The following OSBPL10 variants were observed in gnomAD, a reference collection of about 807,000 sequenced individuals.
OSBPL10 encodes the protein oxysterol-binding protein-related protein 10.
OSBPL10 carries 49 observed loss-of-function variants against 81.7 expected under a neutral mutation model. The ratio of observed to expected loss-of-function variants is 0.60; its 90% confidence interval spans 0.48 to 0.76. The LOEUF (loss-of-function observed/expected upper bound fraction) is 0.76. Ranked by LOEUF, OSBPL10 falls within the 30% of genes least tolerant of loss-of-function variation. The pLI, the probability that OSBPL10 is intolerant of heterozygous loss-of-function variation, is 0.00. For synonymous variants in OSBPL10, 419 were observed against 383.6 expected, an observed-to-expected ratio of 1.09 and a Z score of -1.08; for missense variants, 923 against 987.8, an observed-to-expected ratio of 0.93 and a Z score of 0.88.
intron 1 of OSBPL10, among the ~76,000 whole-genome samples, chr3:31,962,112 G>A (rs565737202): frequency 6.3e-4 from 95 of 151,876 alleles, no homozygotes; most frequent in African/African-American, 2.0e-3. Context: ...CCACCACCAC[G>A]CCCAGCTAAT....
rs371672454 is a variant in OSBPL10, at chr3:31,924,785, T to C, written c.282-44955A>G. On this transcript the variant is annotated intron_variant, in intron 1 of 11. Coordinates refer to ENST00000396556, the MANE Select transcript of OSBPL10 (RefSeq NM_017784.5). Reference sequence around the variant, plus strand: ...GTACCACTAAGGCAGCTATACACAATACATAGATGAATAACTGTGGCTGTG... The same window carrying C: ...GTACCACTAAGGCAGCTATACACAACACATAGATGAATAACTGTGGCTGTG... Among the ~76,000 whole-genome samples, 11 of 152,232 alleles carry C rather than the reference T, an allele frequency of 7.2e-5. No homozygotes were observed. The East Asian group carries it at 9.7e-4, about 13-fold the overall frequency.
intron 4 of OSBPL10, among the ~76,000 whole-genome samples, chr3:31,775,157 G>C (rs1204049606): frequency 6.6e-6 from 1 of 152,054 alleles, no homozygotes; most frequent in African/African-American, 2.4e-5. Context: ...GGGTGACAGA[G>C]TGAGACTCTC....
At chr3:31,783,784 C>A (rs1698765879) in intron 4 of OSBPL10, among the ~76,000 whole-genome samples, 1 of 34,732 alleles carries the variant, frequency 2.9e-5, no homozygotes, top group African/African-American at 9.5e-5. Context: ...GAGCAAGACT[C>A]CGATTAAAAA....
At position 31,989,326 on chromosome 3, in the gene OSBPL10, G is replaced by A. The variant is rs1698989646; in HGVS notation, n.298+57165C>T. On this transcript the variant is annotated intron_variant and non_coding_transcript_variant, in intron 2 of 3. Transcript: ENST00000479173. ...CTCATCAACAGCGCAAGGCAATACA[G>A]AAGTGGACACAGGGACATTAGAAAG... 2 of 1,614,228 alleles carry A rather than the reference G, an allele frequency of 1.2e-6. No individual in the cohort carries two copies. Among genetic ancestry groups the A allele is most frequent in the Middle Eastern group, 1.6e-4 (1 of 6,062 alleles).
intron 8 of OSBPL10, among the ~76,000 whole-genome samples, chr3:31,678,025 G>A (rs774363106): frequency 1.6e-4 from 23 of 145,992 alleles, no homozygotes; most frequent in Admixed American, 3.4e-4. Flanking sequence ...AGCTTGCAGT[G>A]AGCCGAGATT....
chr3:31,663,912 G>A, intron 11 of OSBPL10, 167 bp downstream of exon 11: 3 of 1,519,590 alleles, frequency 2.0e-6, no homozygotes, highest in Non-Finnish European at 2.6e-6. Context: ...CAGAAAACCT[G>A]TCCTGAAGCC....
intron 2 of OSBPL10, among the ~76,000 whole-genome samples, chr3:32,021,259 T>C (rs1699361149): frequency 6.6e-6 from 1 of 152,232 alleles, no homozygotes; most frequent in South Asian, 2.1e-4. Context: ...TAGTCTTTCT[T>C]ACAAATACAA....
intron 4 of OSBPL10, among the ~76,000 whole-genome samples, chr3:31,801,264 T>C (rs989120051): frequency 2.8e-4 from 42 of 152,170 alleles, no homozygotes; most frequent in Admixed American, 2.7e-3. Flanking sequence ...GACATACTAT[T>C]GTGGTCCCCA....
chr3:31,928,136 T>G (rs568774479), intron 1 of OSBPL10, among the ~76,000 whole-genome samples: 5 of 152,258 alleles, frequency 3.3e-5, no homozygotes, highest in African/African-American at 1.2e-4. Context: ...AAAGGACAAA[T>G]ACCTTTAAGA....
intron 5 of OSBPL10, among the ~76,000 whole-genome samples, chr3:31,742,601 G>A (rs951027804): frequency 9.9e-5 from 15 of 152,174 alleles, no homozygotes; most frequent in Non-Finnish European, 1.6e-4. Context: ...CTGTTTTACA[G>A]CATCTTGCTG....
intron 3 of OSBPL10, among the ~76,000 whole-genome samples, chr3:31,860,782 T>TC: frequency 6.6e-6 from 1 of 151,968 alleles, no homozygotes; most frequent in African/African-American, 2.4e-5. Context: ...TTCAAGCAAT[T>TC]CTCCTGCCTC....
At chr3:32,075,979 G>A (rs1203895719) in intron 1 of OSBPL10, among the ~76,000 whole-genome samples, 1 of 152,088 alleles carries the variant, frequency 6.6e-6, no homozygotes, top group African/African-American at 2.4e-5. Context: ...AAGTTTCTTT[G>A]TAATTCTCCC....
chr3:31,855,003 GGTTTTGTTTT>G lies in OSBPL10; in HGVS notation c.537+21420_537+21429del, dbSNP rs535156106. Among the ~76,000 whole-genome samples the G allele has an allele frequency of 9.2e-5, 14 of 151,392 alleles. No homozygotes were observed. The South Asian group carries it at 1.0e-3, about 11-fold the overall frequency. ...GGTAGGTATCGCATTTGGTTGTCAT[GGTTTTGTTTT>G]GTTTTGTTTTGTTTTTGTTTTTGTT... On this transcript the variant is annotated intron_variant, in intron 3 of 11. Coordinates refer to ENST00000396556, the MANE Select transcript of OSBPL10 (RefSeq NM_017784.5).
chr3:31,925,401 G>T (rs1436029278), intron 1 of OSBPL10, among the ~76,000 whole-genome samples: 4 of 151,628 alleles, frequency 2.6e-5, no homozygotes, highest in African/African-American at 9.7e-5. Context: ...ACAACTCACT[G>T]CACCTTAAAC....
chr3:31,965,610 TATATAAATTATATA>T (rs1698335784), intron 1 of OSBPL10, among the ~76,000 whole-genome samples: 1 of 76,092 alleles, frequency 1.3e-5, no homozygotes, highest in African/African-American at 5.7e-5. Flanking sequence ...TATAATATAT[TATATAAATTATATA>T]TTATATAATA....
chr3:31,822,510 T>TAG (rs1487598844), intron 4 of OSBPL10, among the ~76,000 whole-genome samples: 1 of 152,184 alleles, frequency 6.6e-6, no homozygotes, highest in African/African-American at 2.4e-5. Flanking sequence ...AGAAAACATC[T>TAG]AGCAAGGAAG....
At position 31,762,630 on chromosome 3, in the gene OSBPL10, A is replaced by ATTTTTTTTTTTTTTTTTTTT. The variant is rs56311731; in HGVS notation, c.730-14511_730-14510insAAAAAAAAAAAAAAAAAAAA. Reference sequence around the variant, plus strand: ...GCCTATGCACAACACCATGCCCAGCATTTTTTTTTTTTTTTTTTTGTAGAG... The same window carrying ATTTTTTTTTTTTTTTTTTTT: ...GCCTATGCACAACACCATGCCCAGCATTTTTTTTTTTTTTTTTTTTTTTTTTTTTTTTTTTTTTTGTAGAG... On this transcript the variant is annotated intron_variant, in intron 4 of 11. Transcript: ENST00000396556. Among the ~76,000 whole-genome samples, 263 of 61,452 alleles carry ATTTTTTTTTTTTTTTTTTTT rather than the reference A, an allele frequency of 4.3e-3. 59 individuals are homozygous for ATTTTTTTTTTTTTTTTTTTT. Among genetic ancestry groups the ATTTTTTTTTTTTTTTTTTTT allele is most frequent in the African/African-American group, 7.2e-3 (90 of 12,516 alleles). 40.3% of individuals were successfully genotyped at this position (61,452 alleles called of 152,430 possible).
intron 2 of OSBPL10, among the ~76,000 whole-genome samples, chr3:32,006,717 A>G (rs1218964585): frequency 1.3e-5 from 2 of 152,192 alleles, no homozygotes. Flanking sequence ...AACCTCATAT[A>G]TCAAGTTCTC....
At chr3:31,710,376 C>T (rs1450135241) in intron 6 of OSBPL10, among the ~76,000 whole-genome samples, 1 of 152,184 alleles carries the variant, frequency 6.6e-6, no homozygotes, top group East Asian at 1.9e-4. Flanking sequence ...TTGCTGCTAA[C>T]ACTCCTGCAT....
Sources: allele counts gnomAD v4.1 joint callset (sites outside exome capture counted in the v4.1 genomes callset), GRCh38; gene constraint gnomAD v4.1.1; transcripts MANE v1.5; gene names NCBI Gene and HGNC (gene_info 2026-07-23, HGNC 2026-07-21).